Variants in CLSTN1 observed in about 807,000 individuals in gnomAD.
CLSTN1 encodes calsyntenin 1.
In CLSTN1, 28 loss-of-function variants were observed where a neutral mutation model predicts 108.3. The ratio of observed to expected loss-of-function variants is 0.26; its 90% CI spans 0.19 to 0.35. The LOEUF (loss-of-function observed/expected upper bound fraction) is 0.35. Among genes scored for constraint, CLSTN1 ranks in the 10% least tolerant of loss-of-function variants. The pLI is 1.00. For synonymous variants in CLSTN1, 524 were observed against 534.9 expected, an observed-to-expected ratio of 0.98 and a Z score of 0.28; for missense variants, 1,157 against 1,302.6, an observed-to-expected ratio of 0.89 and a Z score of 1.72.
intron 2 of CLSTN1, among the ~76,000 whole-genome samples, chr1:9,772,270 C>G (rs1002207304): frequency 1.1e-4 from 16 of 151,204 alleles, no homozygotes; most frequent in Non-Finnish European, 1.9e-4. Context: ...GCATGAGCCA[C>G]TGTGCCCGGC....
intron 1 of CLSTN1, among the ~76,000 whole-genome samples, chr1:9,805,590 G>T (rs1225568324): frequency 2.0e-5 from 3 of 152,052 alleles, no homozygotes; most frequent in African/African-American, 7.2e-5. Context: ...ATTTAGGTTG[G>T]GCACAATGGC....
At chr1:9,786,608 A>C (rs1243511474) in intron 1 of CLSTN1, among the ~76,000 whole-genome samples, 1 of 134,540 alleles carries the variant, frequency 7.4e-6, no homozygotes, top group African/African-American at 3.0e-5. Context: ...GTGCTATTGC[A>C]CTCCACTGCA....
intron 1 of CLSTN1, among the ~76,000 whole-genome samples, chr1:9,798,713 TAC>T (rs1453435155): frequency 3.3e-5 from 5 of 152,308 alleles, no homozygotes; most frequent in Non-Finnish European, 7.4e-5. Context: ...CACTGGATTG[TAC>T]ATTTTAAAAT....
intron 9 of CLSTN1, among the ~76,000 whole-genome samples, chr1:9,742,819 G>C (rs906183090): frequency 1.3e-4 from 20 of 151,934 alleles, no homozygotes; most frequent in African/African-American, 4.6e-4. Flanking sequence ...GAGGCAGGAG[G>C]ATCGCTTGAA....
intron 10 of CLSTN1, among the ~76,000 whole-genome samples, chr1:9,739,236 C>T (rs1650848760): frequency 6.6e-6 from 1 of 152,170 alleles, no homozygotes; most frequent in South Asian, 2.1e-4. Flanking sequence ...AACTTTGTCA[C>T]CAATAGAATG....
chr1:9,822,166 C>A (rs1655214757), intron 1 of CLSTN1, among the ~76,000 whole-genome samples: 1 of 152,142 alleles, frequency 6.6e-6, no homozygotes, highest in Non-Finnish European at 1.5e-5. Flanking sequence ...TGACATTTCT[C>A]TTGGATATAT....
At chr1:9,735,406 A>C in intron 13 of CLSTN1, 61 bp downstream of exon 13, 1 of 1,609,138 alleles carries the variant, frequency 6.2e-7, no homozygotes, top group East Asian at 2.2e-5. Flanking sequence ...GCTGTCTTAA[A>C]AACCTAAATA....
chr1:9,770,455 AGTT>A (rs1407412132), intron 2 of CLSTN1, among the ~76,000 whole-genome samples: 1 of 152,244 alleles, frequency 6.6e-6, no homozygotes, highest in Non-Finnish European at 1.5e-5. Flanking sequence ...AACTTCGTGC[AGTT>A]AAAGATGTAG....
At position 9,779,574 on chromosome 1, in the gene CLSTN1, T is replaced by C. The variant is rs369582864; in HGVS notation, c.92-6180A>G. 1.1e-4 allele frequency among the ~76,000 whole-genome samples: 17 copies of C among 152,164 alleles called. No homozygotes were observed. The East Asian group carries it at 2.9e-3, about 26-fold the overall frequency. On this transcript the variant is annotated intron_variant, in intron 1 of 18. Coordinates refer to ENST00000377298, the MANE Select transcript of CLSTN1 (RefSeq NM_001009566.3). ...CCAGCCTGGGCGACAAGAGTGAAACTCTGTCTCAAAAAACAAAAAAAAAAG... is the reference window on the plus strand; with the variant it reads ...CCAGCCTGGGCGACAAGAGTGAAACCCTGTCTCAAAAAACAAAAAAAAAAG...
intron 2 of CLSTN1, among the ~76,000 whole-genome samples, chr1:9,764,397 G>A (rs1652224386): frequency 6.6e-6 from 1 of 152,166 alleles, no homozygotes; most frequent in East Asian, 1.9e-4. Context: ...AACACTTTGG[G>A]AGGCCAAGGC....
At chr1:9,760,769 T>G (rs1314266586) in intron 2 of CLSTN1, among the ~76,000 whole-genome samples, 1 of 146,942 alleles carries the variant, frequency 6.8e-6, no homozygotes, top group Non-Finnish European at 1.5e-5. Flanking sequence ...GCTCAAGTGA[T>G]CCACCTGCCT....
chr1:9,771,023 T>C (rs114484379), intron 2 of CLSTN1, among the ~76,000 whole-genome samples: 223 of 151,992 alleles, frequency 1.5e-3, no homozygotes, highest in Non-Finnish European at 1.6e-3. Context: ...TAAAATAAAA[T>C]AGTGCATCAA....
At chr1:9,778,460 T>G (rs1233030919) in intron 1 of CLSTN1, among the ~76,000 whole-genome samples, 1 of 152,132 alleles carries the variant, frequency 6.6e-6, no homozygotes, top group African/African-American at 2.4e-5. Flanking sequence ...CAAAAGATAC[T>G]GCGAAGGTGT....
At chr1:9,744,809 A>G (rs534237736) in intron 7 of CLSTN1, among the ~76,000 whole-genome samples, 166 bp from the exon 8 acceptor site, 1 of 151,988 alleles carries the variant, frequency 6.6e-6, no homozygotes, top group African/African-American at 2.4e-5. Flanking sequence ...GCTGGAGTAC[A>G]GTGGCGCGAT....
chr1:9,821,112 A>G (rs1022088988), intron 1 of CLSTN1, among the ~76,000 whole-genome samples: 6 of 152,204 alleles, frequency 3.9e-5, no homozygotes, highest in Admixed American at 1.3e-4. Context: ...CATGCCAAAG[A>G]TATTTCTTCT....
rs901289401 is a variant in CLSTN1, at chr1:9,729,626, C to T, written c.*882G>A. ...AGGAAAATGTACATTTAAGCATAAA[C>T]CACAAGGCTGCACACGGTGAGACCA... On this transcript the variant is annotated 3_prime_UTR_variant, in exon 19 of 19. Coordinates refer to ENST00000377298, the MANE Select transcript of CLSTN1 (RefSeq NM_001009566.3). 1 of 151,120 alleles carries T rather than the reference C, an allele frequency of 6.6e-6. No individual in the cohort carries two copies. Among genetic ancestry groups the T allele is most frequent in the Non-Finnish European group, 1.5e-5 (1 of 68,080 alleles). The allele number at this position is 151,120 out of a possible 1,614,324, so 9.4% of individuals were successfully genotyped here. A position where few individuals can be genotyped will look rare whatever the true frequency, so the allele number is the denominator to read the frequency against.
rs192230859 is a variant in CLSTN1, at chr1:9,750,607, G to A, written c.650-694C>T. On this transcript the variant is annotated intron_variant, in intron 5 of 18. Transcript: ENST00000377298. The stretch of plus-strand genomic sequence containing the variant: ...TGTGCCTGCAGTCCCAGCTACTAGC[G>A]AGGCTGTGGCGGGAGGATCCCGTGA... Among the ~76,000 whole-genome samples the A allele has an allele frequency of 1.0e-3, 156 of 151,734 alleles. 1 individual carries two copies. The highest frequency in any genetic ancestry group is 3.7e-3 in the African/African-American group (151 of 41,344).
chr1:9,809,049 A>G (rs1393725670), intron 1 of CLSTN1, among the ~76,000 whole-genome samples: 1 of 152,152 alleles, frequency 6.6e-6, no homozygotes, highest in Admixed American at 6.6e-5. Context: ...TGTCCACCAG[A>G]GTGAAAACCT....
chr1:9,735,636 G>C (rs1650645897), intron 12 of CLSTN1, 21 bp from the exon 13 acceptor site: 13 of 1,613,738 alleles, frequency 8.1e-6, no homozygotes, highest in Admixed American at 1.7e-5. Context: ...ACCAGCCACA[G>C]AGAGGAGAAG....
Sources: allele counts gnomAD v4.1 joint callset (sites outside exome capture counted in the v4.1 genomes callset), GRCh38; gene constraint gnomAD v4.1.1; transcripts MANE v1.5; gene names NCBI Gene and HGNC (gene_info 2026-07-23, HGNC 2026-07-21).